Variants in ARIH2 observed in about 807,000 individuals in gnomAD.
The protein encoded by ARIH2 is ariadne RBR E3 ubiquitin protein ligase 2.
Under a neutral mutation model 79.8 loss-of-function variants are expected in ARIH2, and 12 were observed. The ratio of observed to expected loss-of-function variants is 0.15; its 90% confidence interval spans 0.10 to 0.24. ARIH2 has a LOEUF of 0.24. Ranked by LOEUF, ARIH2 falls within the 10% of genes least tolerant of loss-of-function variation. ARIH2 has a pLI of 1.00. For missense variants in ARIH2, 301 were observed against 618.3 expected (o/e 0.49, Z 5.44); for synonymous variants, 224 against 213.9 (o/e 1.05, Z -0.41).
intron 11 of ARIH2, among the ~76,000 whole-genome samples, chr3:48,978,496 T>G (rs2092635047): frequency 6.9e-6 from 1 of 145,146 alleles, no homozygotes; most frequent in African/African-American, 2.5e-5. Flanking sequence ...TTTTTTTTTT[T>G]TGGTAGAGAC....
intron 6 of ARIH2, 78 bp from the exon 7 acceptor site, chr3:48,968,456 G>A: frequency 6.9e-7 from 1 of 1,450,808 alleles, no homozygotes; most frequent in Non-Finnish European, 9.5e-7. Context: ...TGATCTGCCT[G>A]CCTTGGCCTC....
chr3:48,968,688 C>A, intron 7 of ARIH2, 33 bp downstream of exon 7: 1 of 1,592,966 alleles, frequency 6.3e-7, no homozygotes, highest in Non-Finnish European at 8.6e-7. Flanking sequence ...CCTCTGTCTT[C>A]CCGGGCCTAC....
At chr3:48,933,315 G>T (rs1436888529) in intron 3 of ARIH2, among the ~76,000 whole-genome samples, 1 of 150,616 alleles carries the variant, frequency 6.6e-6, no homozygotes, top group South Asian at 2.1e-4. Flanking sequence ...ACATGCCCGG[G>T]GGTGTGTGTG....
At position 48,985,524 on chromosome 3, in the gene ARIH2, A is replaced by G. The variant is rs898381882; in HGVS notation, c.*2254A>G. The G allele has an allele frequency of 3.3e-5, 5 of 152,190 alleles. No individual in the cohort carries two copies. The highest frequency in any genetic ancestry group is 1.3e-4 in the Admixed American group (2 of 15,280). The allele number at this position is 152,190 out of a possible 1,614,324, so 9.4% of individuals were successfully genotyped here. On this transcript the variant is annotated 3_prime_UTR_variant, in exon 16 of 16. Transcript: ENST00000356401. ...AGTGGTTTATTCACAATAAACTGTAAGTTTCTGATTATAAAAATGTGTCTA... is the reference window on the plus strand; with the variant it reads ...AGTGGTTTATTCACAATAAACTGTAGGTTTCTGATTATAAAAATGTGTCTA...
At chr3:48,940,102 A>G (rs1014535620) in intron 3 of ARIH2, among the ~76,000 whole-genome samples, 1 of 152,052 alleles carries the variant, frequency 6.6e-6, no homozygotes, top group Non-Finnish European at 1.5e-5. Flanking sequence ...GCTACTCGGG[A>G]GGCTGAGGCA....
chr3:48,938,327 C>G (rs141210228), intron 3 of ARIH2, among the ~76,000 whole-genome samples: 31 of 152,242 alleles, frequency 2.0e-4, no homozygotes, highest in African/African-American at 5.8e-4. Context: ...ATTCAGATGT[C>G]TGTGGTAGTT....
chr3:48,942,763 T>C (rs2088510726), intron 3 of ARIH2, among the ~76,000 whole-genome samples: 1 of 151,490 alleles, frequency 6.6e-6, no homozygotes, highest in South Asian at 2.1e-4. Flanking sequence ...GCCATTCTCC[T>C]GCCTCAGCCT....
intron 3 of ARIH2, among the ~76,000 whole-genome samples, chr3:48,937,771 G>C (rs1267335741): frequency 6.6e-6 from 1 of 152,168 alleles, no homozygotes; most frequent in Non-Finnish European, 1.5e-5. Context: ...AACCTGGCCA[G>C]GCGCGGTGGC....
intron 3 of ARIH2, chr3:48,934,498 G>T: frequency 1.0e-6 from 1 of 985,346 alleles, no homozygotes; most frequent in Non-Finnish European, 1.2e-6. Context: ...GTTACACTGA[G>T]TGTTTGTGTG....
At chr3:48,937,919 C>T (rs1185368787) in intron 3 of ARIH2, among the ~76,000 whole-genome samples, 3 of 151,228 alleles carry the variant, frequency 2.0e-5, no homozygotes, top group Non-Finnish European at 4.4e-5. Flanking sequence ...TAGTGGCGGG[C>T]GCCTGTAGTC....
intron 11 of ARIH2, among the ~76,000 whole-genome samples, chr3:48,977,042 A>T (rs187630254): frequency 1.3e-5 from 2 of 152,222 alleles, no homozygotes; most frequent in African/African-American, 4.8e-5. Context: ...CTACTAAAAA[A>T]AAATACAAAA....
At chr3:48,981,992 C>T (rs777828446) in intron 14 of ARIH2, among the ~76,000 whole-genome samples, 3 of 152,162 alleles carry the variant, frequency 2.0e-5, no homozygotes. Flanking sequence ...GGTCTGTGGC[C>T]AGTGGGAGGC....
At chr3:48,929,415 C>G (rs1298707778) in intron 3 of ARIH2, among the ~76,000 whole-genome samples, 1 of 151,358 alleles carries the variant, frequency 6.6e-6, no homozygotes, top group Non-Finnish European at 1.5e-5. Context: ...ATTCTTCCTT[C>G]TTATACATGG....
intron 3 of ARIH2, among the ~76,000 whole-genome samples, chr3:48,937,122 A>G (rs2087264863): frequency 6.6e-6 from 1 of 152,174 alleles, no homozygotes; most frequent in Admixed American, 6.5e-5. Flanking sequence ...GTTTGTTTGG[A>G]GATTTTAAAA....
At chr3:48,975,058 T>C (rs2092427460) in intron 11 of ARIH2, 79 bp downstream of exon 11, 1 of 1,611,902 alleles carries the variant, frequency 6.2e-7, no homozygotes, top group Non-Finnish European at 8.5e-7. Context: ...AGTGAGTACT[T>C]CTGCCATGAA....
At chr3:48,940,362 T>A (rs895836263) in intron 3 of ARIH2, among the ~76,000 whole-genome samples, 5 of 151,544 alleles carry the variant, frequency 3.3e-5, no homozygotes, top group Non-Finnish European at 7.4e-5. Flanking sequence ...TTTAAAAAGA[T>A]AGATAGATAG....
At chr3:48,922,100 G>C (rs1212748198) in intron 1 of ARIH2, among the ~76,000 whole-genome samples, 1 of 152,090 alleles carries the variant, frequency 6.6e-6, no homozygotes, top group Non-Finnish European at 1.5e-5. Context: ...TGGTAGTTGA[G>C]AATCTGAAGG....
chr3:48,937,291 A>T (rs1052499299), intron 3 of ARIH2, among the ~76,000 whole-genome samples: 3 of 152,158 alleles, frequency 2.0e-5, no homozygotes, highest in African/African-American at 4.8e-5. Flanking sequence ...GCCTCTTTTT[A>T]CAAGAAATCT....
intron 3 of ARIH2, among the ~76,000 whole-genome samples, chr3:48,953,717 A>G (rs2090255512): frequency 6.6e-6 from 1 of 150,512 alleles, no homozygotes; most frequent in Non-Finnish European, 1.5e-5. Context: ...ATTTTCTTGA[A>G]ACAGTGTCTT....
Sources: gnomAD v4.1 joint callset for allele counts (sites outside exome capture counted in the v4.1 genomes callset) on GRCh38, gnomAD v4.1.1 for gene constraint, MANE v1.5 for transcripts, NCBI Gene and HGNC (gene_info 2026-07-23, HGNC 2026-07-21) for gene names.